PRKCH: variants seen among roughly 807,000 people sequenced by gnomAD.
The protein encoded by PRKCH is protein kinase C eta type.
A neutral mutation model predicts 82.5 loss-of-function variants in PRKCH; 28 were observed. The observed-to-expected ratio is 0.34, with a 90% CI of 0.25 to 0.47. PRKCH has a LOEUF of 0.47. Among genes scored for constraint, PRKCH ranks in the 20% least tolerant of loss-of-function variants. The probability of loss-of-function intolerance (pLI) is 1.00; values close to 1 mark genes in which losing one functional copy is unlikely to be tolerated. For synonymous variants in PRKCH, 322 were observed against 327.4 expected (o/e 0.98, Z 0.18); for missense variants, 705 against 881.8 (o/e 0.80, Z 2.54).
chr14:61,275,489 T>C (rs1594885823), intron 1 of PRKCH, among the ~76,000 whole-genome samples: 1 of 152,324 alleles, frequency 6.6e-6, no homozygotes, highest in African/African-American at 2.4e-5. Flanking sequence ...AAGAGCTCAA[T>C]GTAGAGGGCA....
intron 1 of PRKCH, among the ~76,000 whole-genome samples, chr14:61,355,991 C>CAGCCT (rs2140154846): frequency 6.6e-6 from 1 of 152,300 alleles, no homozygotes; most frequent in African/African-American, 2.4e-5. Flanking sequence ...GCCTGGAAAA[C>CAGCCT]AGCCTGCCGA....
intron 10 of PRKCH, among the ~76,000 whole-genome samples, chr14:61,521,589 A>G (rs1033337383): frequency 6.6e-6 from 1 of 150,950 alleles, no homozygotes; most frequent in Non-Finnish European, 1.5e-5. Flanking sequence ...TTTTTTTAAG[A>G]TAGAGTTTCA....
At chr14:61,325,004 G>C (rs1242470589) in intron 1 of PRKCH, among the ~76,000 whole-genome samples, 1 of 152,118 alleles carries the variant, frequency 6.6e-6, no homozygotes, top group Admixed American at 6.5e-5. Context: ...TTAGCTGTAG[G>C]TTATGGATGA....
chr14:61,210,675 C>G (rs1290163971), intron 1 of PRKCH, among the ~76,000 whole-genome samples: 1 of 152,056 alleles, frequency 6.6e-6, no homozygotes, highest in African/African-American at 2.4e-5. Context: ...CTTTCCAAGT[C>G]CCATAATGAG....
At chr14:61,220,733 A>G (rs1283833810) in intron 1 of PRKCH, among the ~76,000 whole-genome samples, 1 of 152,214 alleles carries the variant, frequency 6.6e-6, no homozygotes. Flanking sequence ...TATTCACATC[A>G]TCAACACGGG....
At chr14:61,435,843 G>A (rs1883654243) in intron 2 of PRKCH, among the ~76,000 whole-genome samples, 1 of 152,122 alleles carries the variant, frequency 6.6e-6, no homozygotes, top group Non-Finnish European at 1.5e-5. Context: ...GAACCTTGGA[G>A]CATACACATA....
intron 1 of PRKCH, among the ~76,000 whole-genome samples, chr14:61,323,967 G>A (rs970154831): frequency 6.6e-6 from 1 of 152,146 alleles, no homozygotes; most frequent in Non-Finnish European, 1.5e-5. Flanking sequence ...GCCATGAGAA[G>A]CATCTCTTCC....
At chr14:61,380,680 G>T (rs573650985) in intron 1 of PRKCH, among the ~76,000 whole-genome samples, 1 of 152,132 alleles carries the variant, frequency 6.6e-6, no homozygotes, top group South Asian at 2.1e-4. Context: ...AGATCCTAAG[G>T]CATCCTTCAT....
At chr14:61,373,269 C>A (rs1432489100) in intron 1 of PRKCH, among the ~76,000 whole-genome samples, 2 of 151,668 alleles carry the variant, frequency 1.3e-5, no homozygotes, top group Non-Finnish European at 1.5e-5. Flanking sequence ...ACTGGGAGGC[C>A]TCAGGAAACT....
intron 1 of PRKCH, among the ~76,000 whole-genome samples, chr14:61,251,212 A>G (rs530671070): frequency 1.3e-5 from 2 of 152,336 alleles, no homozygotes; most frequent in Middle Eastern, 3.4e-3. Flanking sequence ...GTTACAAACA[A>G]TCCAGCTAGA....
At chr14:61,203,842 AAATAAT>A (rs201887509) in intron 1 of PRKCH, among the ~76,000 whole-genome samples, 172 of 151,738 alleles carry the variant, frequency 1.1e-3, no homozygotes, top group African/African-American at 4.2e-3. Flanking sequence ...CCCCGTCTCA[AAATAAT>A]AATAATAATA....
intron 1 of PRKCH, among the ~76,000 whole-genome samples, chr14:61,240,801 A>G (rs1382572852): frequency 2.0e-5 from 3 of 152,192 alleles, no homozygotes; most frequent in Non-Finnish European, 4.4e-5. Flanking sequence ...GTCAGAGGCC[A>G]GGCTAGTAAA....
rs1271737445 is a variant in PRKCH at position 61,550,700 on chromosome 14, G to C, written c.*869G>C. The C allele has an allele frequency of 2.6e-5, 4 of 152,562 alleles. No homozygotes were observed. Among genetic ancestry groups the C allele is most frequent in the Non-Finnish European group, 5.9e-5 (4 of 68,052 alleles). The allele number at this position is 152,562 out of a possible 1,614,324, so 9.5% of individuals were successfully genotyped here. On this transcript the variant is annotated 3_prime_UTR_variant, in exon 14 of 14. Transcript: ENST00000332981. ...AGCGGGTGAATTACAGGTGCCTGCT[G>C]CCTGCCTACCTGGGTAATCTGATCT...
intron 1 of PRKCH, among the ~76,000 whole-genome samples, chr14:61,276,004 G>A (rs1185823498): frequency 6.6e-6 from 1 of 152,192 alleles, no homozygotes; most frequent in Non-Finnish European, 1.5e-5. Context: ...TGTATTCAGT[G>A]TATTGTTGTA....
chr14:61,502,125 C>T (rs1229942670), intron 10 of PRKCH, among the ~76,000 whole-genome samples: 1 of 134,456 alleles, frequency 7.4e-6, no homozygotes, highest in Non-Finnish European at 1.5e-5. Flanking sequence ...AGTGCAATGG[C>T]ATGGTCTTCA....
chr14:61,486,843 A>G (rs1317399655), intron 10 of PRKCH, among the ~76,000 whole-genome samples: 1 of 152,048 alleles, frequency 6.6e-6, no homozygotes, highest in Non-Finnish European at 1.5e-5. Flanking sequence ...TTGAGATGCA[A>G]TTGTTGCTTT....
intron 1 of PRKCH, among the ~76,000 whole-genome samples, chr14:61,283,292 CTAG>C (rs906428538): frequency 4.6e-5 from 7 of 152,120 alleles, no homozygotes; most frequent in African/African-American, 1.7e-4. Context: ...CCTAAAGGTA[CTAG>C]TTTATTCATT....
intron 9 of PRKCH, among the ~76,000 whole-genome samples, chr14:61,468,777 T>C (rs977814849): frequency 3.3e-5 from 5 of 152,216 alleles, no homozygotes; most frequent in Non-Finnish European, 7.3e-5. Flanking sequence ...GCCACCTCCA[T>C]GTCTGCTAAG....
chr14:61,268,512 A>C (rs117126873), intron 1 of PRKCH, among the ~76,000 whole-genome samples: 6,317 of 152,180 alleles, frequency 0.042, 204 homozygotes, highest in Middle Eastern at 0.078. Context: ...CTAAAAACAC[A>C]AAAGAATTAG....
Sources: gnomAD v4.1 joint callset for allele counts (sites outside exome capture counted in the v4.1 genomes callset) on GRCh38, gnomAD v4.1.1 for gene constraint, MANE v1.5 for transcripts, NCBI Gene and HGNC (gene_info 2026-07-23, HGNC 2026-07-21) for gene names.